Variants in SUGCT observed in about 807,000 individuals in gnomAD.
SUGCT encodes succinyl-CoA:glutarate CoA-transferase.
SUGCT carries 41 observed loss-of-function variants against 55.0 expected under a neutral mutation model. The observed-to-expected ratio is 0.74, with a 90% confidence interval of 0.58 to 0.97. The LOEUF (loss-of-function observed/expected upper bound fraction) is 0.97, where lower values mean the gene tolerates loss of function less well. SUGCT is among the 50% of genes least tolerant of loss of function. The probability of loss-of-function intolerance (pLI) is 0.00; values close to 1 mark genes in which losing one functional copy is unlikely to be tolerated. For synonymous variants in SUGCT, 187 were observed against 200.4 expected (o/e 0.93, Z 0.56); for missense variants, 568 against 547.8 (o/e 1.04, Z -0.37).
intron 12 of SUGCT, among the ~76,000 whole-genome samples, chr7:40,534,025 A>G (rs1794229089): frequency 6.6e-6 from 1 of 152,198 alleles, no homozygotes; most frequent in African/African-American, 2.4e-5. Context: ...TAAATTTTGT[A>G]GCTAAGTGTT....
intron 6 of SUGCT, among the ~76,000 whole-genome samples, chr7:40,205,782 A>G (rs1256317909): frequency 2.0e-5 from 3 of 152,180 alleles, no homozygotes; most frequent in East Asian, 1.9e-4. Context: ...CAATTCCCAG[A>G]TATTTTTATT....
chr7:40,538,168 TATG>T (rs1390047012), intron 12 of SUGCT: 1 of 152,216 alleles, frequency 6.6e-6, no homozygotes, highest in African/African-American at 2.4e-5. Context: ...GATTAATAAC[TATG>T]ATAATTATTT....
chr7:40,616,220 G>T (rs1428754141), intron 12 of SUGCT, among the ~76,000 whole-genome samples: 3 of 151,892 alleles, frequency 2.0e-5, no homozygotes, highest in Non-Finnish European at 2.9e-5. Context: ...TTTTGAGATG[G>T]AGTCTTACTC....
intron 13 of SUGCT, among the ~76,000 whole-genome samples, chr7:40,785,673 A>C (rs1421622221): frequency 6.6e-6 from 1 of 152,228 alleles, no homozygotes; most frequent in Non-Finnish European, 1.5e-5. Flanking sequence ...AAAAAAGTTA[A>C]GGTATTAAAA....
chr7:40,645,286 G>GT (rs1800447951), intron 12 of SUGCT, among the ~76,000 whole-genome samples: 1 of 152,180 alleles, frequency 6.6e-6, no homozygotes, highest in Admixed American at 6.5e-5. Flanking sequence ...TAGAGAGCAA[G>GT]TGAGAGGACA....
chr7:40,314,840 A>G (rs1349181965), intron 8 of SUGCT, among the ~76,000 whole-genome samples: 6 of 152,176 alleles, frequency 3.9e-5, no homozygotes, highest in African/African-American at 1.4e-4. Flanking sequence ...CTGGGATTAC[A>G]GGTGTGAGCC....
intron 12 of SUGCT, among the ~76,000 whole-genome samples, chr7:40,540,876 T>G (rs1794634941): frequency 6.6e-6 from 1 of 152,232 alleles, no homozygotes; most frequent in Non-Finnish European, 1.5e-5. Context: ...TCAGTTCAGC[T>G]GGCCAAGGGA....
At chr7:40,347,442 G>C (rs1391372214) in intron 9 of SUGCT, among the ~76,000 whole-genome samples, 2 of 152,174 alleles carry the variant, frequency 1.3e-5, no homozygotes, top group Non-Finnish European at 2.9e-5. Context: ...ACATGAAACT[G>C]GTTATTTAGC....
intron 7 of SUGCT, among the ~76,000 whole-genome samples, chr7:40,273,495 T>A (rs1792248707): frequency 6.6e-6 from 1 of 152,206 alleles, no homozygotes. Flanking sequence ...AAGTAGAAAC[T>A]ATCTGATATA....
rs1386475145 is a variant in SUGCT, at chr7:40,193,653, C to CAGTGGCATGATCACAGT, written c.364-1275_364-1274insACAGTAGTGGCATGATC. 2.7e-3 allele frequency among the ~76,000 whole-genome samples: 406 copies of CAGTGGCATGATCACAGT among 151,278 alleles called. 1 individual carries two copies. The highest frequency in any genetic ancestry group is 9.2e-3 in the African/African-American group (379 of 41,148). On this transcript the variant is annotated intron_variant, in intron 5 of 13. Coordinates refer to ENST00000335693, the MANE Select transcript of SUGCT (RefSeq NM_001193313.2). ...TCACTCTGTCACCCAGGCTGGAGTG[C>CAGTGGCATGATCACAGT]AGTGGCATGATCTCGGCTCACTGTG... is the stretch of plus-strand genomic sequence containing the variant.
chr7:40,691,049 A>G (rs1309040938), intron 12 of SUGCT, among the ~76,000 whole-genome samples: 1 of 152,220 alleles, frequency 6.6e-6, no homozygotes, highest in East Asian at 1.9e-4. Flanking sequence ...CCTCTGGAAT[A>G]GAAAAGGAAG....
At chr7:40,665,546 C>T (rs570575810) in intron 12 of SUGCT, among the ~76,000 whole-genome samples, 146 of 151,720 alleles carry the variant, frequency 9.6e-4, no homozygotes, top group African/African-American at 3.4e-3. Flanking sequence ...GTGAAAACAC[C>T]GTTTTAAGAA....
intron 9 of SUGCT, among the ~76,000 whole-genome samples, chr7:40,348,639 G>A (rs1213599293): frequency 4.6e-5 from 7 of 152,044 alleles, no homozygotes; most frequent in Admixed American, 3.9e-4. Flanking sequence ...TTTATTTTAG[G>A]TCTCTGTCTG....
intron 13 of SUGCT, among the ~76,000 whole-genome samples, chr7:40,768,307 A>G (rs1011502713): frequency 1.3e-5 from 2 of 152,120 alleles, no homozygotes; most frequent in Admixed American, 1.3e-4. Context: ...CACAGCAGCA[A>G]TCTGCAGGAA....
intron 12 of SUGCT, among the ~76,000 whole-genome samples, chr7:40,686,212 A>G (rs1019688548): frequency 6.6e-6 from 1 of 152,082 alleles, no homozygotes; most frequent in Non-Finnish European, 1.5e-5. Context: ...AGTAAGATGT[A>G]CAGGTTAGAA....
chr7:40,797,451 C>T (rs138724237), intron 13 of SUGCT, among the ~76,000 whole-genome samples: 12 of 152,266 alleles, frequency 7.9e-5, no homozygotes, highest in South Asian at 6.2e-4. Flanking sequence ...TCTGGATTAT[C>T]GGTCACATCA....
At chr7:40,243,536 G>A (rs1443631932) in intron 7 of SUGCT, among the ~76,000 whole-genome samples, 7 of 152,020 alleles carry the variant, frequency 4.6e-5, no homozygotes, top group African/African-American at 7.2e-5. Context: ...TAACAACATT[G>A]GAAAACTCAT....
chr7:40,953,496 G>C, the SUGCT span, among the ~76,000 whole-genome samples: 1 of 152,344 alleles, frequency 6.6e-6, no homozygotes, highest in African/African-American at 2.4e-5. Context: ...TGCTGGTGAG[G>C]AACTGCGTTC....
chr7:41,008,505 T>C, the SUGCT span, among the ~76,000 whole-genome samples: 2 of 152,268 alleles, frequency 1.3e-5, no homozygotes, highest in East Asian at 3.9e-4. Flanking sequence ...CCCCGGGAAT[T>C]GCTACCACAG....
Sources: allele counts gnomAD v4.1 joint callset (sites outside exome capture counted in the v4.1 genomes callset), GRCh38; gene constraint gnomAD v4.1.1; transcripts MANE v1.5; gene names NCBI Gene and HGNC (gene_info 2026-07-23, HGNC 2026-07-21).